MPPED2: variants seen among roughly 807,000 people sequenced by gnomAD.
MPPED2 encodes the protein metallophosphoesterase domain containing 2.
Under a neutral mutation model 33.0 loss-of-function variants are expected in MPPED2, and 5 were observed. That is an observed-to-expected ratio of 0.15 (90% CI 0.08 to 0.32). MPPED2 has a LOEUF of 0.32. MPPED2 is among the 10% of genes least tolerant of loss of function. The pLI is 1.00. For synonymous variants in MPPED2, 136 were observed against 141.9 expected, an observed-to-expected ratio of 0.96 and a Z score of 0.29; for missense variants, 275 against 372.1, an observed-to-expected ratio of 0.74 and a Z score of 2.15.
intron 3 of MPPED2, among the ~76,000 whole-genome samples, chr11:30,506,694 A>G (rs2134277054): frequency 6.6e-6 from 1 of 152,378 alleles, no homozygotes; most frequent in South Asian, 2.1e-4. Context: ...AACATAAGGC[A>G]TAAAGGCCAT....
rs571124800 is a variant in MPPED2 at position 30,425,432 on chromosome 11, G to A, written c.537-7799C>T. The A allele has an allele frequency of 3.3e-5, 5 of 152,250 alleles. No individual in the cohort carries two copies. The East Asian group carries it at 7.7e-4, about 24-fold the overall frequency. 9.4% of individuals were successfully genotyped at this position (152,250 alleles called of 1,614,324 possible). On this transcript the variant is annotated intron_variant, in intron 4 of 6. Transcript: ENST00000358117. ...GAATTATTAAAAATAATCTTATAGTGTCCGCCCAGCCCTCTCAAGCATACC... is the reference window on the plus strand; with the variant it reads ...GAATTATTAAAAATAATCTTATAGTATCCGCCCAGCCCTCTCAAGCATACC...
At chr11:30,460,050 C>T (rs182550638) in intron 4 of MPPED2, among the ~76,000 whole-genome samples, 6 of 152,226 alleles carry the variant, frequency 3.9e-5, no homozygotes, top group South Asian at 2.1e-4. Context: ...CAAAGGCACA[C>T]GGGGCATTTT....
intron 4 of MPPED2, among the ~76,000 whole-genome samples, chr11:30,474,568 A>G (rs1357853405): frequency 1.3e-5 from 2 of 152,152 alleles, no homozygotes; most frequent in Non-Finnish European, 2.9e-5. Flanking sequence ...TCCTTCCCAC[A>G]CTGATTGGTC....
intron 4 of MPPED2, among the ~76,000 whole-genome samples, chr11:30,431,593 A>G (rs1312166545): frequency 1.3e-5 from 2 of 152,230 alleles, no homozygotes; most frequent in African/African-American, 4.8e-5. Flanking sequence ...GATCAGAATG[A>G]TAAAGCAGAT....
chr11:30,470,885 C>T (rs1950919426), intron 4 of MPPED2, among the ~76,000 whole-genome samples: 1 of 152,100 alleles, frequency 6.6e-6, no homozygotes, highest in Non-Finnish European at 1.5e-5. Flanking sequence ...AATTTTTAAC[C>T]TCTAAGATTC....
chr11:30,566,673 T>C (rs1956456674), intron 2 of MPPED2, among the ~76,000 whole-genome samples: 1 of 152,176 alleles, frequency 6.6e-6, no homozygotes, highest in South Asian at 2.1e-4. Flanking sequence ...ATTCAACAGG[T>C]GTTGACAGAG....
At chr11:30,476,911 T>C (rs989997675) in intron 4 of MPPED2, among the ~76,000 whole-genome samples, 1 of 152,014 alleles carries the variant, frequency 6.6e-6, no homozygotes, top group African/African-American at 2.4e-5. Flanking sequence ...GCAATGTTGT[T>C]TGGTTTTTCA....
chr11:30,407,617 A>C (rs1422803810), downstream of MPPED2, among the ~76,000 whole-genome samples: 2 of 152,214 alleles, frequency 1.3e-5, no homozygotes, highest in Non-Finnish European at 2.9e-5. Flanking sequence ...CAGGCCAGTA[A>C]TCCCAGAACT....
intron 3 of MPPED2, among the ~76,000 whole-genome samples, chr11:30,510,553 G>C (rs907743287): frequency 6.6e-6 from 1 of 152,086 alleles, no homozygotes; most frequent in African/African-American, 2.4e-5. Flanking sequence ...ATAATATGTA[G>C]GCTCATCTCT....
chr11:30,519,353 C>CATAT (rs541010041), intron 3 of MPPED2, among the ~76,000 whole-genome samples: 4 of 151,384 alleles, frequency 2.6e-5, no homozygotes, highest in Non-Finnish European at 2.9e-5. Context: ...TATGTATGTG[C>CATAT]ATATATATAT....
intron 4 of MPPED2, among the ~76,000 whole-genome samples, chr11:30,438,900 A>C (rs1019222059): frequency 5.9e-5 from 9 of 152,242 alleles, no homozygotes; most frequent in African/African-American, 1.7e-4. Context: ...ATAAGCTCCT[A>C]GCAGGCAGAG....
chr11:30,575,709 G>A (rs1210492641), intron 2 of MPPED2, among the ~76,000 whole-genome samples: 1 of 152,214 alleles, frequency 6.6e-6, no homozygotes, highest in African/African-American at 2.4e-5. Context: ...CTCATGTGGA[G>A]GAAGGCCACT....
intron 4 of MPPED2, among the ~76,000 whole-genome samples, chr11:30,470,994 C>T (rs1202079918): frequency 1.3e-5 from 2 of 152,144 alleles, no homozygotes; most frequent in Non-Finnish European, 2.9e-5. Context: ...AATCATCAAA[C>T]GTTTCTCACA....
chr11:30,386,430 C>T, exon 7 of MPPED2: 1 of 250,976 alleles, frequency 4.0e-6, no homozygotes, highest in Non-Finnish European at 7.6e-6. Flanking sequence ...CCAGTCTTGG[C>T]TCAAGGTATA....
chr11:30,565,162 C>T (rs1183604660), intron 2 of MPPED2, among the ~76,000 whole-genome samples: 1 of 152,160 alleles, frequency 6.6e-6, no homozygotes, highest in East Asian at 1.9e-4. Context: ...ACCGCAACTG[C>T]TAACAGCAGG....
chr11:30,505,177 A>G (rs1299384495), intron 3 of MPPED2, among the ~76,000 whole-genome samples: 1 of 152,140 alleles, frequency 6.6e-6, no homozygotes, highest in Non-Finnish European at 1.5e-5. Context: ...CAATTTTTAG[A>G]CCACGAAAAC....
At chr11:30,492,768 T>C (rs1178102759) in intron 4 of MPPED2, among the ~76,000 whole-genome samples, 3 of 152,108 alleles carry the variant, frequency 2.0e-5, no homozygotes, top group African/African-American at 7.2e-5. Context: ...AATTACCACA[T>C]CCCAACCCCT....
At chr11:30,427,384 T>C (rs895652283) in intron 4 of MPPED2, among the ~76,000 whole-genome samples, 9 of 152,230 alleles carry the variant, frequency 5.9e-5, no homozygotes, top group African/African-American at 1.9e-4. Flanking sequence ...TGCTATTTAA[T>C]ATTCTAGGGC....
At chr11:30,470,707 C>T (rs547867295) in intron 4 of MPPED2, among the ~76,000 whole-genome samples, 1 of 152,238 alleles carries the variant, frequency 6.6e-6, no homozygotes, top group East Asian at 1.9e-4. Context: ...CTATATCCCC[C>T]AAATCTCCCA....
Sources: gnomAD v4.1 joint callset for allele counts (sites outside exome capture counted in the v4.1 genomes callset) on GRCh38, gnomAD v4.1.1 for gene constraint, MANE v1.5 for transcripts, NCBI Gene and HGNC (gene_info 2026-07-23, HGNC 2026-07-21) for gene names.